SYT9: variants seen among roughly 807,000 people sequenced by gnomAD.
SYT9 encodes synaptotagmin-9.
A neutral mutation model predicts 48.4 loss-of-function variants in SYT9; 22 were observed. The ratio of observed to expected loss-of-function variants is 0.45; its 90% confidence interval spans 0.32 to 0.65. SYT9 has a LOEUF of 0.65. Ranked by LOEUF, SYT9 falls within the 30% of genes least tolerant of loss-of-function variation. The pLI, the probability that SYT9 is intolerant of heterozygous loss-of-function variation, is 0.03. For missense variants in SYT9, 577 were observed against 622.0 expected, an observed-to-expected ratio of 0.93 and a Z score of 0.77; for synonymous variants, 265 against 245.0, an observed-to-expected ratio of 1.08 and a Z score of -0.76.
intron 6 of SYT9, among the ~76,000 whole-genome samples, chr11:7,432,574 A>T (rs1847611387): frequency 7.1e-4 from 9 of 12,616 alleles, no homozygotes; most frequent in African/African-American, 1.9e-3. Flanking sequence ...AAAAAAAAAA[A>T]AAAAAAAAAT....
At chr11:7,358,520 G>C (rs1413125043) in intron 3 of SYT9, among the ~76,000 whole-genome samples, 4 of 152,076 alleles carry the variant, frequency 2.6e-5, no homozygotes, top group Non-Finnish European at 5.9e-5. Context: ...AAGTATTCTT[G>C]TCTTGTTCTT....
At chr11:7,366,914 A>G (rs1210579689) in intron 3 of SYT9, among the ~76,000 whole-genome samples, 2 of 151,964 alleles carry the variant, frequency 1.3e-5, no homozygotes, top group East Asian at 1.9e-4. Flanking sequence ...TAGCTTTAAT[A>G]TATTATAAAT....
chr11:7,319,589 A>G (rs1301225457), intron 3 of SYT9, among the ~76,000 whole-genome samples: 1 of 152,206 alleles, frequency 6.6e-6, no homozygotes, highest in Non-Finnish European at 1.5e-5. Context: ...AAATGCAGCT[A>G]GAAACAGTAG....
intron 6 of SYT9, among the ~76,000 whole-genome samples, chr11:7,461,954 A>G (rs1848243993): frequency 6.6e-6 from 1 of 152,222 alleles, no homozygotes; most frequent in Non-Finnish European, 1.5e-5. Flanking sequence ...AACAATCTAC[A>G]TGTCACACAT....
intron 1 of SYT9, among the ~76,000 whole-genome samples, chr11:7,300,542 G>A (rs531168326): frequency 4.5e-4 from 69 of 152,290 alleles, no homozygotes; most frequent in Middle Eastern, 6.8e-3. Flanking sequence ...TAAATCCTAC[G>A]GCCTCCCAGT....
chr11:7,303,898 C>T (rs1045270210), intron 2 of SYT9, among the ~76,000 whole-genome samples: 3 of 152,168 alleles, frequency 2.0e-5, no homozygotes, highest in African/African-American at 7.2e-5. Flanking sequence ...TCTTCAGACT[C>T]CGCCGTGTGG....
At chr11:7,354,504 A>G (rs1589967167) in intron 3 of SYT9, among the ~76,000 whole-genome samples, 1 of 152,122 alleles carries the variant, frequency 6.6e-6, no homozygotes, top group Non-Finnish European at 1.5e-5. Flanking sequence ...ACACTGAGGG[A>G]TGCTGCACCA....
intron 1 of SYT9, among the ~76,000 whole-genome samples, chr11:7,269,018 T>A (rs1352450993): frequency 1.3e-5 from 2 of 152,142 alleles, no homozygotes; most frequent in Non-Finnish European, 2.9e-5. Flanking sequence ...CTTAGCATAA[T>A]GTTTTTGAGG....
intron 3 of SYT9, among the ~76,000 whole-genome samples, chr11:7,404,837 C>T (rs958461315): frequency 3.9e-5 from 6 of 152,180 alleles, no homozygotes; most frequent in East Asian, 3.9e-4. Context: ...CAAAAGTGCA[C>T]GGATTAGACA....
chr11:7,284,363 T>G (rs1848558589), intron 1 of SYT9, among the ~76,000 whole-genome samples: 1 of 152,174 alleles, frequency 6.6e-6, no homozygotes, highest in Non-Finnish European at 1.5e-5. Flanking sequence ...TCCTTTTTCC[T>G]TAATTAGTTG....
intron 3 of SYT9, among the ~76,000 whole-genome samples, chr11:7,405,794 T>A (rs1846996733): frequency 6.6e-6 from 1 of 152,230 alleles, no homozygotes; most frequent in South Asian, 2.1e-4. Flanking sequence ...AATTTCTATA[T>A]TGGAATTTTG....
rs555859080 is a variant in SYT9 at position 7,257,933 on chromosome 11, G to A, written c.145+5602G>A. On this transcript the variant is annotated intron_variant, in intron 1 of 6. Coordinates refer to ENST00000318881, the MANE Select transcript of SYT9 (RefSeq NM_175733.4). ...GCAAATTGTAGTAAAGGCATCACAGGCAGCCCTATGGCCAGCTGCCTCTTT... is the reference window on the plus strand; with the variant it reads ...GCAAATTGTAGTAAAGGCATCACAGACAGCCCTATGGCCAGCTGCCTCTTT... Among the ~76,000 whole-genome samples, 24 of 152,266 alleles carry A rather than the reference G, an allele frequency of 1.6e-4. 2 individuals carry two copies. In the South Asian group the frequency reaches 5.0e-3, roughly 32 times the overall value.
At chr11:7,461,991 C>T (rs1848245048) in intron 6 of SYT9, among the ~76,000 whole-genome samples, 1 of 152,232 alleles carries the variant, frequency 6.6e-6, no homozygotes, top group Non-Finnish European at 1.5e-5. Flanking sequence ...CACCTTTCCC[C>T]TCAAGGTCTA....
intron 6 of SYT9, chr11:7,453,981 G>A (rs1848105031): frequency 8.1e-6 from 8 of 985,150 alleles, no homozygotes; most frequent in East Asian, 2.3e-4. Context: ...CACCCTCTGT[G>A]GTCTCCTCTT....
At chr11:7,420,115 T>C (rs996958226) in intron 5 of SYT9, among the ~76,000 whole-genome samples, 5 of 152,164 alleles carry the variant, frequency 3.3e-5, no homozygotes, top group Non-Finnish European at 5.9e-5. Flanking sequence ...ACAAAACTGC[T>C]CCCTCACCCA....
chr11:7,269,199 G>A (rs1848249951), intron 1 of SYT9, among the ~76,000 whole-genome samples: 1 of 151,850 alleles, frequency 6.6e-6, no homozygotes, highest in Non-Finnish European at 1.5e-5. Flanking sequence ...GGTAAAGACA[G>A]CATTTCAAAT....
chr11:7,258,398 C>G (rs924882088), intron 1 of SYT9, among the ~76,000 whole-genome samples: 2 of 152,160 alleles, frequency 1.3e-5, no homozygotes, highest in Admixed American at 1.3e-4. Flanking sequence ...TCACGACTTC[C>G]TTTTCTTTCA....
Position 7,417,975 on chromosome 11 carries a change from C to G in SYT9, c.1184C>G (p.Ser395Trp). 6.2e-7 allele frequency: 1 copy of G among 1,613,782 alleles called. No homozygotes were observed. Among genetic ancestry groups the G allele is most frequent in the Non-Finnish European group, 8.5e-7 (1 of 1,179,808 alleles). The change falls in exon 5 of 7, where the codon TCG (serine) becomes TGG (tryptophan). Residue 395 changes from serine (S) to tryptophan (W), a missense_variant. Transcript: ENST00000318881. ...TGASDPYVKV[S>W]LMCDGRRLKK... The stretch of plus-strand genomic sequence containing the variant: ...TGTCCAGATCCCTATGTGAAAGTCT[C>G]GCTGATGTGTGATGGCAGACGACTG...
At position 7,367,072 on chromosome 11, in the gene SYT9, C is replaced by CTTTTTTTTTTTTTT. The variant is rs35502843; in HGVS notation, c.1045-48957_1045-48944dup. ...ATTACCCTTCTTTCCAGGAGACCATCTTTTTTTTTTTTTTTTTTTTTTTTT... is the reference window on the plus strand; with the variant it reads ...ATTACCCTTCTTTCCAGGAGACCATCTTTTTTTTTTTTTTTTTTTTTTTTTTTTTTTTTTTTTTT... On this transcript the variant is annotated intron_variant, in intron 3 of 6. Transcript: ENST00000318881. Among the ~76,000 whole-genome samples, 30 of 53,262 alleles carry CTTTTTTTTTTTTTT rather than the reference C, an allele frequency of 5.6e-4. 6 individuals carry two copies. Among genetic ancestry groups the CTTTTTTTTTTTTTT allele is most frequent in the Non-Finnish European group, 7.2e-4 (20 of 27,676 alleles). The allele number at this position is 53,262 out of a possible 152,430, so 34.9% of individuals were successfully genotyped here. A position where few individuals can be genotyped will look rare whatever the true frequency, so the allele number is the denominator to read the frequency against.
Sources: allele counts gnomAD v4.1 joint callset (sites outside exome capture counted in the v4.1 genomes callset), GRCh38; gene constraint gnomAD v4.1.1; transcripts MANE v1.5; gene names NCBI Gene and HGNC (gene_info 2026-07-23, HGNC 2026-07-21).